Variants in TPTE2 observed in about 807,000 individuals in gnomAD.
TPTE2 encodes phosphatidylinositol 3,4,5-trisphosphate 3-phosphatase TPTE2.
Under a neutral mutation model 78.6 loss-of-function variants are expected in TPTE2, and 53 were observed. The observed-to-expected ratio is 0.67, with a 90% CI of 0.54 to 0.85. TPTE2 has a LOEUF of 0.85. Ranked by LOEUF, TPTE2 falls within the 40% of genes least tolerant of loss-of-function variation. The pLI, the probability that TPTE2 is intolerant of heterozygous loss-of-function variation, is 0.00. For missense variants in TPTE2, 461 were observed against 623.0 expected (o/e 0.74, Z 2.77); for synonymous variants, 175 against 206.2 (o/e 0.85, Z 1.30).
At chr13:19,430,537 A>G (rs1290752711) in exon 17 of TPTE2, 1 of 1,611,030 alleles carries the variant, frequency 6.2e-7, no homozygotes, top group Non-Finnish European at 8.5e-7. Context: ...CTTTTAGATC[A>G]CATACATCAC....
chr13:19,430,804 C>CCAT (rs1479798232), intron 16 of TPTE2, among the ~76,000 whole-genome samples: 1 of 152,018 alleles, frequency 6.6e-6, no homozygotes, highest in Admixed American at 6.6e-5. Flanking sequence ...ACTTAGAATC[C>CCAT]CATCACTTTA....
intron 1 of TPTE2, 176 bp from the exon 5 acceptor site, chr13:19,493,677 T>A: frequency 1.5e-6 from 1 of 683,730 alleles, no homozygotes; most frequent in Non-Finnish European, 2.6e-6. Flanking sequence ...AGGATGTATA[T>A]GACGACAACC....
At chr13:19,445,598 C>T (rs749185008) in intron 13 of TPTE2, among the ~76,000 whole-genome samples, 2 of 152,202 alleles carry the variant, frequency 1.3e-5, no homozygotes, top group African/African-American at 4.8e-5. Context: ...GAGGTATACA[C>T]TCAACAAAAA....
chr13:19,473,409 A>C (rs905013566), intron 6 of TPTE2, among the ~76,000 whole-genome samples: 15 of 151,988 alleles, frequency 9.9e-5, no homozygotes, highest in African/African-American at 3.6e-4. Flanking sequence ...CTGAGCTGTC[A>C]CTCAAACCAC....
chr13:19,511,774 C>A (rs1869460897), intron 1 of TPTE2, among the ~76,000 whole-genome samples: 1 of 151,872 alleles, frequency 6.6e-6, no homozygotes, highest in South Asian at 2.1e-4. Flanking sequence ...TTTATAAGTT[C>A]ATAGTAATAG....
upstream of TPTE2, among the ~76,000 whole-genome samples, chr13:19,537,821 T>C (rs1871296340): frequency 1.3e-5 from 2 of 151,770 alleles, no homozygotes; most frequent in South Asian, 4.2e-4. Flanking sequence ...GCCAGGCTGG[T>C]CTCAAACTCC....
Position 19,450,350 on chromosome 13 carries a change from A to AGAGCT in TPTE2, c.803-7_803-6insAGCTC. The stretch of plus-strand genomic sequence containing the variant: ...AGGATCATAAGCTCTTTCACCTAAA[A>AGAGCT]TAAATAATATGTATGTCATATCTCT... On this transcript the variant is annotated splice_polypyrimidine_tract_variant and splice_region_variant and intron_variant, in intron 11 of 19. Coordinates refer to ENST00000400230, the Ensembl canonical transcript of TPTE2. 6.2e-7 allele frequency: 1 copy of AGAGCT among 1,606,518 alleles called. No individual in the cohort carries two copies. The highest frequency in any genetic ancestry group is 8.5e-7 in the Non-Finnish European group (1 of 1,175,598).
At chr13:19,544,060 CAAAAA>C in the TPTE2 span, among the ~76,000 whole-genome samples, 4 of 31,984 alleles carry the variant, frequency 1.3e-4, no homozygotes, top group East Asian at 1.5e-3. Context: ...GAACCTGTCT[CAAAAA>C]AAAAAAAAAA....
chr13:19,491,423 C>T (rs1880983451), intron 3 of TPTE2, among the ~76,000 whole-genome samples: 1 of 152,076 alleles, frequency 6.6e-6, no homozygotes, highest in African/African-American at 2.4e-5. Context: ...CAAATCCTAC[C>T]ACATAAGCCC....
At chr13:19,484,577 C>T (rs1321710637) in intron 3 of TPTE2, among the ~76,000 whole-genome samples, 1 of 152,136 alleles carries the variant, frequency 6.6e-6, no homozygotes, top group Non-Finnish European at 1.5e-5. Context: ...AAGTGCCCAA[C>T]TCTTATTGTA....
chr13:19,520,948 G>A (rs1445814909), intron 1 of TPTE2, among the ~76,000 whole-genome samples: 3 of 151,950 alleles, frequency 2.0e-5, no homozygotes, highest in African/African-American at 7.2e-5. Flanking sequence ...TATTGTAGTT[G>A]AGAACATGCT....
chr13:19,529,168 C>A (rs1246241590), intron 1 of TPTE2, among the ~76,000 whole-genome samples: 1 of 152,030 alleles, frequency 6.6e-6, no homozygotes, highest in East Asian at 1.9e-4. Context: ...TCTTGTAACC[C>A]AAGGCAACTG....
chr13:19,501,607 A>T (rs1868563608), intron 1 of TPTE2, among the ~76,000 whole-genome samples: 1 of 152,082 alleles, frequency 6.6e-6, no homozygotes, highest in African/African-American at 2.4e-5. Flanking sequence ...ATAAGTAGAA[A>T]GCAGAAACTG....
chr13:19,433,366 T>A (rs924477432), intron 15 of TPTE2, among the ~76,000 whole-genome samples: 4 of 152,094 alleles, frequency 2.6e-5, no homozygotes, highest in Admixed American at 6.6e-5. Context: ...AGGCCATGCG[T>A]AGTGATGGGC....
At chr13:19,480,230 A>G (rs1289224940) in intron 4 of TPTE2, among the ~76,000 whole-genome samples, 2 of 152,116 alleles carry the variant, frequency 1.3e-5, no homozygotes, top group East Asian at 3.9e-4. Flanking sequence ...CCATGATGTA[A>G]AGCATGAAAA....
At chr13:19,444,883 G>A (rs1189537905) in intron 13 of TPTE2, among the ~76,000 whole-genome samples, 1 of 152,172 alleles carries the variant, frequency 6.6e-6, no homozygotes, top group East Asian at 1.9e-4. Context: ...GCAAAGAAAT[G>A]AAAATCTTCT....
the TPTE2 span, among the ~76,000 whole-genome samples, chr13:19,547,720 C>CATACATATATATATATATAT: frequency 0.024 from 2,904 of 118,760 alleles, 72 homozygotes; most frequent in Middle Eastern, 0.059. Context: ...AATAAATATA[C>CATACATATATATATATATAT]ATATATATAT....
chr13:19,540,310 G>GTT (rs1555258427), upstream of TPTE2, among the ~76,000 whole-genome samples: 4 of 143,226 alleles, frequency 2.8e-5, no homozygotes, highest in South Asian at 2.1e-4. Context: ...TTATTATTAT[G>GTT]GTTTTTTTTA....
intron 1 of TPTE2, among the ~76,000 whole-genome samples, chr13:19,514,388 T>C (rs1869652225): frequency 6.6e-6 from 1 of 152,150 alleles, no homozygotes; most frequent in African/African-American, 2.4e-5. Flanking sequence ...TGGTCATAGT[T>C]GTCAGAGCAT....
Sources: allele counts gnomAD v4.1 joint callset (sites outside exome capture counted in the v4.1 genomes callset), GRCh38; gene constraint gnomAD v4.1.1; transcripts MANE v1.5; gene names NCBI Gene and HGNC (gene_info 2026-07-23, HGNC 2026-07-21).